Variants in PCDHA10 observed in about 807,000 individuals in gnomAD.
The protein encoded by PCDHA10 is protocadherin alpha 10.
PCDHA10 carries 45 observed loss-of-function variants against 61.2 expected under a neutral mutation model. That is an observed-to-expected ratio of 0.74 (90% CI 0.58 to 0.94). PCDHA10 has a LOEUF of 0.94. Among genes scored for constraint, PCDHA10 ranks in the 40% least tolerant of loss-of-function variants. The pLI is 0.00. For synonymous variants in PCDHA10, 602 were observed against 548.8 expected (o/e 1.10, Z -1.35); for missense variants, 1,278 against 1,236.2 (o/e 1.03, Z -0.51).
chr5:140,927,357 C>A, intron 1 of PCDHA10: 1 of 1,614,052 alleles, frequency 6.2e-7, no homozygotes, highest in South Asian at 1.1e-5. Context: ...ACGAGGGAAG[C>A]AATGGGATAC....
chr5:140,964,918 G>A (rs563180752), intron 1 of PCDHA10, among the ~76,000 whole-genome samples: 59 of 152,308 alleles, frequency 3.9e-4, no homozygotes, highest in Admixed American at 3.4e-3. Context: ...GAATAACACT[G>A]GCTAGGTAGT....
At chr5:140,950,821 G>T (rs1361371532) in intron 1 of PCDHA10, among the ~76,000 whole-genome samples, 8 of 152,020 alleles carry the variant, frequency 5.3e-5, no homozygotes, top group Non-Finnish European at 4.4e-5. Context: ...TAGGGTTAAA[G>T]TTTGGTCCTT....
intron 1 of PCDHA10, among the ~76,000 whole-genome samples, chr5:140,899,599 C>G (rs535938234): frequency 2.0e-5 from 3 of 152,232 alleles, no homozygotes; most frequent in South Asian, 4.2e-4. Context: ...TTATTGAGGA[C>G]TTTTGCATCA....
At chr5:140,983,171 C>T (rs1371766725) in intron 3 of PCDHA10, among the ~76,000 whole-genome samples, 2 of 152,136 alleles carry the variant, frequency 1.3e-5, no homozygotes, top group Non-Finnish European at 2.9e-5. Flanking sequence ...AACATGACCG[C>T]CTCACAATTT....
In PCDHA10 at chr5:140,869,193, G is replaced by C. The variant is rs1215630740; in HGVS notation, c.2388+10757G>C. The C allele has an allele frequency of 1.9e-6, 3 of 1,614,040 alleles. No individual in the cohort carries two copies. In the African/African-American group the frequency reaches 4.0e-5, roughly 22 times the overall value. On this transcript the variant is annotated intron_variant, in intron 1 of 3. Transcript: ENST00000307360. Reference sequence around the variant, plus strand: ...AATTCTGGGAGGTGGGGAGCGGCCAGCTCCACTACTCCGTCTCGGAGGAGG... The same window carrying C: ...AATTCTGGGAGGTGGGGAGCGGCCACCTCCACTACTCCGTCTCGGAGGAGG...
At chr5:140,937,378 G>A (rs1248709474) in intron 1 of PCDHA10, among the ~76,000 whole-genome samples, 2 of 152,248 alleles carry the variant, frequency 1.3e-5, no homozygotes, top group East Asian at 1.9e-4. Context: ...GTTTATGTGT[G>A]TGTATGTGTA....
At chr5:140,923,659 G>A in intron 1 of PCDHA10, among the ~76,000 whole-genome samples, 1 of 152,224 alleles carries the variant, frequency 6.6e-6, no homozygotes, top group East Asian at 1.9e-4. Context: ...CTTATCTTTG[G>A]GATATCGTTC....
At chr5:140,959,259 C>G (rs781794121) in intron 1 of PCDHA10, among the ~76,000 whole-genome samples, 1 of 152,040 alleles carries the variant, frequency 6.6e-6, no homozygotes, top group African/African-American at 2.4e-5. Context: ...TGACTGTAGT[C>G]CCAGCTACCC....
intron 1 of PCDHA10, chr5:140,869,303 C>T (rs1403563775): frequency 6.2e-7 from 1 of 1,613,586 alleles, no homozygotes; most frequent in Non-Finnish European, 8.5e-7. Flanking sequence ...TTCCGGGTGG[C>T]GTCCAAAACA....
intron 1 of PCDHA10, among the ~76,000 whole-genome samples, chr5:140,974,111 T>C (rs1475006775): frequency 2.0e-5 from 3 of 152,280 alleles, no homozygotes; most frequent in Non-Finnish European, 4.4e-5. Flanking sequence ...AAGTATTCTT[T>C]TGCAGTGTTT....
At chr5:140,907,846 C>T (rs2073638181) in intron 1 of PCDHA10, among the ~76,000 whole-genome samples, 1 of 152,246 alleles carries the variant, frequency 6.6e-6, no homozygotes, top group Admixed American at 6.5e-5. Flanking sequence ...TTAAAATCCT[C>T]CTCTGCTGAG....
At chr5:140,887,108 T>A (rs2061306818) in intron 1 of PCDHA10, among the ~76,000 whole-genome samples, 1 of 152,084 alleles carries the variant, frequency 6.6e-6, no homozygotes, top group Non-Finnish European at 1.5e-5. Context: ...TCTCTTTTTT[T>A]TTTTTTGAGA....
chr5:141,009,944 C>T lies in PCDHA10; in HGVS notation c.*7C>T. On this transcript the variant is annotated 3_prime_UTR_variant, in exon 4 of 4. Coordinates refer to ENST00000307360, the MANE Select transcript of PCDHA10 (RefSeq NM_018901.4). Reference sequence around the variant, plus strand: ...TGACAACAGTGACCAGTGAGGTCCTCAAATGGAAACAAGCCACTTAGCCAG... The same window carrying T: ...TGACAACAGTGACCAGTGAGGTCCTTAAATGGAAACAAGCCACTTAGCCAG... The T allele has an allele frequency of 6.3e-7, 1 of 1,595,754 alleles. No individual in the cohort carries two copies. The highest frequency in any genetic ancestry group is 1.1e-5 in the South Asian group (1 of 87,514).
At chr5:140,968,464 C>G (rs1554230763) in intron 1 of PCDHA10, 1 of 1,614,114 alleles carries the variant, frequency 6.2e-7, no homozygotes, top group Non-Finnish European at 8.5e-7. Flanking sequence ...TGACTGCCAA[C>G]GTATATGTGG....
Position 141,010,445 on chromosome 5 carries a change from A to C in PCDHA10, c.*508A>C. On this transcript the variant is annotated 3_prime_UTR_variant, in exon 4 of 4. Transcript: ENST00000307360. ...AAGGCAAGAAAACAAAGACAAATAA[A>C]CAGCGGAAGTTATCAGTATGGAGGG... 1.1e-6 allele frequency: 1 copy of C among 944,134 alleles called. No individual in the cohort carries two copies. The highest frequency in any genetic ancestry group is 1.5e-6 in the Non-Finnish European group (1 of 656,048). 58.5% of individuals were successfully genotyped at this position (944,134 alleles called of 1,614,324 possible).
chr5:140,870,197 G>A lies in PCDHA10; in HGVS notation c.2388+11761G>A. The stretch of plus-strand genomic sequence containing the variant: ...CCAGTACGAGAGGACGCTCAGCCCA[G>A]CACGGTCATTGCCCTGATCAGCGTG... On this transcript the variant is annotated intron_variant, in intron 1 of 3. Coordinates refer to ENST00000307360, the MANE Select transcript of PCDHA10 (RefSeq NM_018901.4). 1 of 1,614,174 alleles carries A rather than the reference G, an allele frequency of 6.2e-7. No individual in the cohort carries two copies. Among genetic ancestry groups the A allele is most frequent in the East Asian group, 2.2e-5 (1 of 44,880 alleles).
rs189730532 is a variant in PCDHA10, at chr5:140,870,328, G to T, written c.2388+11892G>T. 1.5e-5 allele frequency: 24 copies of T among 1,614,208 alleles called. 2 individuals carry two copies. In the East Asian group the frequency reaches 4.7e-4, roughly 31 times the overall value. Reference sequence around the variant, plus strand: ...CAAGAATTACTACTCGTTGGTGCTGGACAGCGCCCTGGACCGCGAGAACGT... The same window carrying T: ...CAAGAATTACTACTCGTTGGTGCTGTACAGCGCCCTGGACCGCGAGAACGT... On this transcript the variant is annotated intron_variant, in intron 1 of 3. Transcript: ENST00000307360.
chr5:140,921,740 C>T (rs923518440), intron 1 of PCDHA10, among the ~76,000 whole-genome samples: 1 of 152,052 alleles, frequency 6.6e-6, no homozygotes, highest in Non-Finnish European at 1.5e-5. Flanking sequence ...AAATTATAAG[C>T]ATAACAGGAC....
Position 140,973,415 on chromosome 5 carries a change from A to C in PCDHA10, c.2389-5534A>C, listed in dbSNP as rs552618579. On this transcript the variant is annotated intron_variant, in intron 1 of 3. Coordinates refer to ENST00000307360, the MANE Select transcript of PCDHA10 (RefSeq NM_018901.4). ...AATCATATCTATGAGCTTCCACTCC[A>C]GTTTTTCATCCTCTGATGGTCACTT... Among the ~76,000 whole-genome samples the C allele has an allele frequency of 1.8e-3, 272 of 152,344 alleles. 1 individual carries two copies. Among genetic ancestry groups the C allele is most frequent in the Non-Finnish European group, 3.1e-3 (212 of 68,028 alleles).
Sources: allele counts gnomAD v4.1 joint callset (sites outside exome capture counted in the v4.1 genomes callset), GRCh38; gene constraint gnomAD v4.1.1; transcripts MANE v1.5; gene names NCBI Gene and HGNC (gene_info 2026-07-23, HGNC 2026-07-21).